The following SPCS2 variants were observed in gnomAD, a reference collection of about 807,000 sequenced individuals.
SPCS2 encodes the protein SPase 25 kDa subunit.
A neutral mutation model predicts 22.3 loss-of-function variants in SPCS2; 3 were observed. The observed-to-expected ratio is 0.13, with a 90% CI of 0.06 to 0.35. The LOEUF is 0.35. Among genes scored for constraint, SPCS2 ranks in the 10% least tolerant of loss-of-function variants. SPCS2 has a pLI of 1.00. For missense variants in SPCS2, 169 were observed against 280.9 expected (o/e 0.60, Z 2.85); for synonymous variants, 67 against 97.2 (o/e 0.69, Z 1.83).
At position 74,978,475 on chromosome 11, in the gene SPCS2, A is replaced by G. The variant is rs1019485813; in HGVS notation, c.*1432A>G. On this transcript the variant is annotated 3_prime_UTR_variant, in exon 5 of 5. Transcript: ENST00000263672. ...GTAACCGGATAAGTGTATTTTTACA[A>G]TGGAGGAGTTACAGTCATCTTGGTA... 6.6e-6 allele frequency: 1 copy of G among 152,194 alleles called. No homozygotes were observed. The highest frequency in any genetic ancestry group is 1.5e-5 in the Non-Finnish European group (1 of 68,044). 9.4% of individuals were successfully genotyped at this position (152,194 alleles called of 1,614,324 possible). A position where few individuals can be genotyped will look rare whatever the true frequency, so the allele number is the denominator to read the frequency against.
chr11:74,968,761 G>A (rs1789155349), intron 3 of SPCS2, among the ~76,000 whole-genome samples: 2 of 152,112 alleles, frequency 1.3e-5, no homozygotes, highest in African/African-American at 4.8e-5. Flanking sequence ...CTGACCTCAA[G>A]TGATCTGCCC....
In SPCS2 at chr11:74,978,445, A is replaced by T. The variant is rs558788986; in HGVS notation, c.*1402A>T. On this transcript the variant is annotated 3_prime_UTR_variant, in exon 5 of 5. Transcript: ENST00000263672. ...CTGTGAGCTTCTTAAAGTTTTTGAA[A>T]GCATGTAACCGGATAAGTGTATTTT... The T allele has an allele frequency of 8.5e-5, 13 of 152,312 alleles. No individual in the cohort carries two copies. Among genetic ancestry groups the T allele is most frequent in the African/African-American group, 3.1e-4 (13 of 41,562 alleles). 9.4% of individuals were successfully genotyped at this position (152,312 alleles called of 1,614,324 possible).
At chr11:74,971,934 G>A (rs1010219471) in intron 4 of SPCS2, among the ~76,000 whole-genome samples, 2 of 152,116 alleles carry the variant, frequency 1.3e-5, no homozygotes, top group African/African-American at 2.4e-5. Context: ...CAGTGACCCC[G>A]TACCTTTAAA....
At chr11:74,968,763 GA>G (rs1489989738) in intron 3 of SPCS2, among the ~76,000 whole-genome samples, 1 of 152,066 alleles carries the variant, frequency 6.6e-6, no homozygotes, top group Non-Finnish European at 1.5e-5. Flanking sequence ...GACCTCAAGT[GA>G]TCTGCCCACC....
At chr11:74,955,031 G>T (rs1045814867) in intron 1 of SPCS2, among the ~76,000 whole-genome samples, 2 of 152,034 alleles carry the variant, frequency 1.3e-5, no homozygotes, top group Non-Finnish European at 2.9e-5. Context: ...ACCACTTCAC[G>T]TCCACTAAGA....
At chr11:74,970,119 GT>G in intron 4 of SPCS2, among the ~76,000 whole-genome samples, 2 of 152,306 alleles carry the variant, frequency 1.3e-5, no homozygotes, top group Middle Eastern at 6.8e-3. Flanking sequence ...TCTAGAGTCT[GT>G]TTCTGACCAG....
intron 4 of SPCS2, among the ~76,000 whole-genome samples, chr11:74,970,303 A>G (rs1174182925): frequency 1.3e-5 from 2 of 152,174 alleles, no homozygotes; most frequent in African/African-American, 4.8e-5. Flanking sequence ...AAGATGAAAT[A>G]CCAATTATAA....
At chr11:74,970,798 C>G (rs116698211) in intron 4 of SPCS2, among the ~76,000 whole-genome samples, 152 of 152,314 alleles carry the variant, frequency 1.0e-3, no homozygotes, top group African/African-American at 3.0e-3. Context: ...ATTCTAAAAC[C>G]TAGCGGCATT....
intron 1 of SPCS2, among the ~76,000 whole-genome samples, chr11:74,958,806 C>A (rs1192021789): frequency 6.6e-6 from 1 of 152,126 alleles, no homozygotes; most frequent in Non-Finnish European, 1.5e-5. Context: ...TTCAGTCCCC[C>A]TACTGCTGCT....
chr11:74,957,737 G>A (rs1365464776), intron 1 of SPCS2, among the ~76,000 whole-genome samples: 1 of 152,088 alleles, frequency 6.6e-6, no homozygotes, highest in Non-Finnish European at 1.5e-5. Context: ...ATAATTCATT[G>A]TAAGTATAGG....
At chr11:74,965,711 A>C in intron 2 of SPCS2, 52 bp from the exon 3 acceptor site, 1 of 1,464,826 alleles carries the variant, frequency 6.8e-7, no homozygotes, top group Non-Finnish European at 9.5e-7. Context: ...ATAAAAGCAC[A>C]TACTGGGGAG....
At chr11:74,975,475 A>C (rs1395280995) in intron 4 of SPCS2, among the ~76,000 whole-genome samples, 1 of 152,216 alleles carries the variant, frequency 6.6e-6, no homozygotes, top group East Asian at 1.9e-4. Context: ...ACATATAGGT[A>C]GGCTCAGTAA....
chr11:74,953,516 G>T (rs769904706), intron 1 of SPCS2, among the ~76,000 whole-genome samples: 1 of 152,128 alleles, frequency 6.6e-6, no homozygotes, highest in Non-Finnish European at 1.5e-5. Context: ...TTAATTTGAT[G>T]TGTCTTGATT....
chr11:74,960,078 G>C (rs566297208), intron 1 of SPCS2, among the ~76,000 whole-genome samples: 25 of 152,248 alleles, frequency 1.6e-4, no homozygotes, highest in Non-Finnish European at 2.5e-4. Flanking sequence ...GGCCGGGTGT[G>C]GTGGCACTTT....
At chr11:74,949,834 T>C (rs1948340276) in intron 1 of SPCS2, among the ~76,000 whole-genome samples, 1 of 152,196 alleles carries the variant, frequency 6.6e-6, no homozygotes, top group Non-Finnish European at 1.5e-5. Flanking sequence ...AAGTGCTTCT[T>C]GTCCTTTTGC....
chr11:74,976,511 G>A (rs939261373), intron 4 of SPCS2, among the ~76,000 whole-genome samples: 1 of 152,224 alleles, frequency 6.6e-6, no homozygotes, highest in Non-Finnish European at 1.5e-5. Flanking sequence ...TCTCAGGTGA[G>A]ATAGGGGAGA....
In SPCS2 at chr11:74,965,749, G is replaced by C. The variant is rs514534; in HGVS notation, c.199-14G>C. On this transcript the variant is annotated splice_polypyrimidine_tract_variant and intron_variant, in intron 2 of 4. Transcript: ENST00000263672. ...AGTATTCCTATTAGCTTGATTCCTT[G>C]TTTTTCTCACCAGGTACTTCTGGAA... 0.8 allele frequency: 1,291,154 copies of C among 1,606,440 alleles called. 521,317 individuals carry two copies. Among genetic ancestry groups the C allele is most frequent in the African/African-American group, 0.89 (66,686 of 74,854 alleles).
intron 1 of SPCS2, among the ~76,000 whole-genome samples, chr11:74,957,808 A>G (rs562101221): frequency 6.6e-6 from 1 of 152,298 alleles, no homozygotes; most frequent in South Asian, 2.1e-4. Context: ...TTGTCTACCC[A>G]TTGCAAAGGT....
At chr11:74,968,663 C>T (rs1325354108) in intron 3 of SPCS2, among the ~76,000 whole-genome samples, 2 of 151,980 alleles carry the variant, frequency 1.3e-5, no homozygotes, top group African/African-American at 4.8e-5. Context: ...AGCAGGACTA[C>T]AGGCATGTAC....
Sources: allele counts gnomAD v4.1 joint callset (sites outside exome capture counted in the v4.1 genomes callset), GRCh38; gene constraint gnomAD v4.1.1; transcripts MANE v1.5; gene names NCBI Gene and HGNC (gene_info 2026-07-23, HGNC 2026-07-21).